Variants in OPRM1 observed in about 807,000 individuals in gnomAD.
OPRM1 encodes the protein mu-type opioid receptor.
Under a neutral mutation model 31.8 loss-of-function variants are expected in OPRM1, and 27 were observed. That is an observed-to-expected ratio of 0.85 (90% confidence interval 0.63 to 1.17). The LOEUF (loss-of-function observed/expected upper bound fraction) is 1.17, where lower values mean the gene tolerates loss of function less well. Among genes scored for constraint, OPRM1 ranks in the 50% most tolerant of loss-of-function variants. The pLI is 0.00. For synonymous variants in OPRM1, 196 were observed against 189.9 expected, an observed-to-expected ratio of 1.03 and a Z score of -0.26; for missense variants, 536 against 511.1, an observed-to-expected ratio of 1.05 and a Z score of -0.47.
chr6:154,191,964 C>G (rs1801928014), intron 3 of OPRM1, among the ~76,000 whole-genome samples: 1 of 150,606 alleles, frequency 6.6e-6, no homozygotes, highest in African/African-American at 2.4e-5. Flanking sequence ...TAAGAGCCCA[C>G]AACTGAAAAA....
chr6:154,079,691 C>CT (rs1353054840), intron 1 of OPRM1, among the ~76,000 whole-genome samples: 2 of 152,082 alleles, frequency 1.3e-5, no homozygotes, highest in Non-Finnish European at 2.9e-5. Context: ...AAAAGATAAT[C>CT]TTTTAATTTA....
downstream of OPRM1, among the ~76,000 whole-genome samples, chr6:154,133,759 G>A (rs1243291130): frequency 6.6e-6 from 1 of 152,224 alleles, no homozygotes; most frequent in South Asian, 2.1e-4. Context: ...TTCTGTTTTA[G>A]ATACTGTGCG....
chr6:154,108,385 G>A (rs530841437), intron 3 of OPRM1: 48 of 172,972 alleles, frequency 2.8e-4, no homozygotes, highest in African/African-American at 6.4e-4. Flanking sequence ...AGAGAAAAAC[G>A]TGCCAGTGGA....
intron 3 of OPRM1, among the ~76,000 whole-genome samples, chr6:154,192,267 A>C (rs1801955868): frequency 6.6e-6 from 1 of 151,072 alleles, no homozygotes. Flanking sequence ...CCTCACAAGT[A>C]ATTTGCTGGC....
chr6:154,094,212 C>T (rs978072371), intron 3 of OPRM1: 2 of 1,286,440 alleles, frequency 1.6e-6, no homozygotes, highest in African/African-American at 3.0e-5. Flanking sequence ...TTCTGCAGAT[C>T]AGAGATCCAA....
intron 3 of OPRM1, among the ~76,000 whole-genome samples, chr6:154,215,920 G>A (rs1419075221): frequency 6.6e-6 from 1 of 152,022 alleles, no homozygotes; most frequent in African/African-American, 2.4e-5. Flanking sequence ...CTCAAACACA[G>A]GAAAATATTT....
chr6:154,060,356 G>T (rs940452691), intron 1 of OPRM1, among the ~76,000 whole-genome samples: 1 of 152,032 alleles, frequency 6.6e-6, no homozygotes. Flanking sequence ...AGAACCAAAA[G>T]TACCCAGCAA....
intron 1 of OPRM1, among the ~76,000 whole-genome samples, chr6:154,051,485 A>G (rs1782187445): frequency 6.6e-6 from 1 of 152,240 alleles, no homozygotes; most frequent in South Asian, 2.1e-4. Context: ...GATGCATATA[A>G]GACCCCTTCA....
intron 3 of OPRM1, among the ~76,000 whole-genome samples, chr6:154,186,442 G>C (rs1801350101): frequency 6.6e-6 from 1 of 152,168 alleles, no homozygotes. Context: ...TTTGTTGCTA[G>C]CAAATCCCAT....
chr6:154,108,774 T>A (rs1795988065), intron 3 of OPRM1: 1 of 985,252 alleles, frequency 1.0e-6, no homozygotes, highest in African/African-American at 1.7e-5. Context: ...TTATAAACTT[T>A]TAATTGACTC....
In OPRM1 at chr6:154,124,949, A is replaced by G. The variant is rs1288542191; in HGVS notation, c.*6228A>G. On this transcript the variant is annotated 3_prime_UTR_variant, in exon 4 of 4. Coordinates refer to ENST00000330432, the MANE Select transcript of OPRM1 (RefSeq NM_000914.5). The stretch of plus-strand genomic sequence containing the variant: ...GTAGAGCAAGTAGCAATCTATTCAA[A>G]GTTGTAAAGGTTCTGTAGAATCTCT... Among the ~76,000 whole-genome samples the G allele has an allele frequency of 6.6e-6, 1 of 152,206 alleles. No homozygotes were observed. The highest frequency in any genetic ancestry group is 1.5e-5 in the Non-Finnish European group (1 of 68,030).
At chr6:154,081,057 G>A (rs1452723876) in intron 1 of OPRM1, among the ~76,000 whole-genome samples, 1 of 152,146 alleles carries the variant, frequency 6.6e-6, no homozygotes, top group Non-Finnish European at 1.5e-5. Flanking sequence ...AAGAATAAGT[G>A]TATTTTGAGA....
At chr6:154,231,484 C>A (rs1248146462) in intron 3 of OPRM1, among the ~76,000 whole-genome samples, 2 of 152,198 alleles carry the variant, frequency 1.3e-5, no homozygotes, top group East Asian at 1.9e-4. Flanking sequence ...GCAAAGAATG[C>A]AAATGTCTGT....
At chr6:154,066,560 G>A (rs868630461) in intron 1 of OPRM1, among the ~76,000 whole-genome samples, 2 of 151,152 alleles carry the variant, frequency 1.3e-5, no homozygotes, top group South Asian at 4.2e-4. Context: ...TAACTTTGAT[G>A]TGACTGTAAT....
intron 3 of OPRM1, among the ~76,000 whole-genome samples, chr6:154,175,625 G>C (rs1381249007): frequency 1.3e-5 from 2 of 152,140 alleles, no homozygotes; most frequent in Non-Finnish European, 2.9e-5. Context: ...AAACCAGGAA[G>C]AAGTTGAATC....
At chr6:154,226,086 G>A (rs1394812699) in intron 3 of OPRM1, among the ~76,000 whole-genome samples, 1 of 152,048 alleles carries the variant, frequency 6.6e-6, no homozygotes, top group African/African-American at 2.4e-5. Context: ...TTGTTCTCCT[G>A]TCTGTTTCTT....
At chr6:154,167,106 T>C (rs2128553209) in intron 3 of OPRM1, among the ~76,000 whole-genome samples, 1 of 152,316 alleles carries the variant, frequency 6.6e-6, no homozygotes, top group East Asian at 1.9e-4. Flanking sequence ...ATGACTTAAG[T>C]TCTTAATGCC....
chr6:154,085,579 A>G (rs1202768783), intron 1 of OPRM1, among the ~76,000 whole-genome samples: 1 of 152,224 alleles, frequency 6.6e-6, no homozygotes, highest in African/African-American at 2.4e-5. Flanking sequence ...CAATATCAGG[A>G]TGGCCTGTGA....
chr6:154,224,254 A>G (rs1269991844), intron 3 of OPRM1, among the ~76,000 whole-genome samples: 1 of 152,236 alleles, frequency 6.6e-6, no homozygotes, highest in Non-Finnish European at 1.5e-5. Context: ...AGTTTACTTG[A>G]TCATTCTGCT....
Sources: allele counts gnomAD v4.1 joint callset (sites outside exome capture counted in the v4.1 genomes callset), GRCh38; gene constraint gnomAD v4.1.1; transcripts MANE v1.5; gene names NCBI Gene and HGNC (gene_info 2026-07-23, HGNC 2026-07-21).